DHRSX: variants seen among roughly 807,000 people sequenced by gnomAD.
The protein encoded by DHRSX is dehydrogenase/reductase X-linked.
A neutral mutation model predicts 34.0 loss-of-function variants in DHRSX; 31 were observed. The observed-to-expected ratio is 0.91, with a 90% CI of 0.69 to 1.23. DHRSX has a LOEUF of 1.23. DHRSX is among the 50% of genes most tolerant of loss of function. The pLI is 0.00. For missense variants in DHRSX, 414 were observed against 428.1 expected, an observed-to-expected ratio of 0.97 and a Z score of 0.29; for synonymous variants, 201 against 183.8, an observed-to-expected ratio of 1.09 and a Z score of -0.76.
chrX:2,291,481 T>G (rs2041864279), intron 4 of DHRSX, 21 bp downstream of exon 4: 3 of 1,594,224 alleles, frequency 1.9e-6, no homozygotes, highest in Non-Finnish European at 2.6e-6. Flanking sequence ...CCTGGCTTGC[T>G]GCAATTTCAC....
chrX:2,338,202 G>A lies in DHRSX; in HGVS notation c.287-46599C>T, dbSNP rs185358600. On this transcript the variant is annotated intron_variant, in intron 3 of 6. Transcript: ENST00000334651. ...GCAAAAATTAGCCAGGCATGGTGGT[G>A]CGCGCCTGTAATCCCAGCTACTTGG... Among the ~76,000 whole-genome samples the A allele has an allele frequency of 4.1e-3, 624 of 151,744 alleles. 4 individuals are homozygous for A. Among genetic ancestry groups the A allele is most frequent in the African/African-American group, 0.014 (582 of 41,426 alleles).
At chrX:2,412,199 G>T (rs113348786) in intron 2 of DHRSX, among the ~76,000 whole-genome samples, 2 of 152,196 alleles carry the variant, frequency 1.3e-5, no homozygotes, top group African/African-American at 2.4e-5. Context: ...TTGTATTTGG[G>T]GGGGCAGGGG....
rs766851673 is a variant in DHRSX, at chrX:2,304,312, A to AATGG, written c.287-12713_287-12710dup. On this transcript the variant is annotated intron_variant, in intron 3 of 6. Transcript: ENST00000334651. ...GGGTGGGTGGATGGATGGATGGATG[A>AATGG]ATGGATGGATGGATGGATGGATGAA... Among the ~76,000 whole-genome samples, 124 of 97,288 alleles carry AATGG rather than the reference A, an allele frequency of 1.3e-3. 2 individuals are homozygous for AATGG. The highest frequency in any genetic ancestry group is 4.3e-3 in the African/African-American group (100 of 23,486). The allele number at this position is 97,288 out of a possible 152,430, so 63.8% of individuals were successfully genotyped here. A position where few individuals can be genotyped will look rare whatever the true frequency, so the allele number is the denominator to read the frequency against.
At position 2,221,228 on chromosome X, in the gene DHRSX, G is replaced by T. The variant is rs369012030; in HGVS notation, c.806C>A (p.Thr269Asn). The change falls in exon 7 of 7, where the codon ACC (threonine) becomes AAC (asparagine). Residue 269 changes from threonine to asparagine, a missense_variant and splice_region_variant. Physicochemically the swap from Thr to Asn is moderately conservative, Grantham distance 65. Transcript: ENST00000334651. Reference protein sequence around the residue: ...KKLLGWLLFKTPDEGAWTSIY... With the variant: ...KKLLGWLLFKNPDEGAWTSIY... ...GGAAGTCCACGCTCCTTCATCGGGG[G>T]TCTGGTGGAAGAAGAAAAGAAGGCT... 1.2e-6 allele frequency: 2 copies of T among 1,612,376 alleles called. No individual in the cohort carries two copies. The highest frequency in any genetic ancestry group is 1.7e-6 in the Non-Finnish European group (2 of 1,179,142).
At chrX:2,457,520 A>T (rs1051216679) in intron 1 of DHRSX, among the ~76,000 whole-genome samples, 4 of 151,668 alleles carry the variant, frequency 2.6e-5, no homozygotes, top group Admixed American at 1.3e-4. Context: ...GACATTCCCT[A>T]GGCATGTGGC....
intron 3 of DHRSX, among the ~76,000 whole-genome samples, chrX:2,342,420 A>G (rs375584459): frequency 5.9e-5 from 9 of 151,962 alleles, no homozygotes; most frequent in African/African-American, 1.9e-4. Context: ...GGCTAGTTCT[A>G]TTTCTAGCTC....
chrX:2,443,218 G>C (rs1228116396), intron 1 of DHRSX, among the ~76,000 whole-genome samples: 1 of 151,760 alleles, frequency 6.6e-6, no homozygotes, highest in Non-Finnish European at 1.5e-5. Flanking sequence ...ATTTTATATA[G>C]ACGGGGGTCT....
chrX:2,429,451 CTTTT>C (rs55923527), intron 1 of DHRSX, among the ~76,000 whole-genome samples: 3 of 145,658 alleles, frequency 2.1e-5, no homozygotes, highest in Non-Finnish European at 3.0e-5. Context: ...CTCTGTGATG[CTTTT>C]TTTTTTTTTT....
At chrX:2,335,892 C>T (rs185603468) in intron 3 of DHRSX, among the ~76,000 whole-genome samples, 32 of 152,200 alleles carry the variant, frequency 2.1e-4, no homozygotes, top group Non-Finnish European at 1.0e-4. Flanking sequence ...CACTATGCTT[C>T]CATCTTTCAT....
rs758633308 is a variant in DHRSX at position 2,489,397 on chromosome X, G to A, written c.109+11420C>T. On this transcript the variant is annotated intron_variant, in intron 1 of 6. Transcript: ENST00000334651. ...CCTCCTTGGCCATGCTGAGCTCCTTGGAGTCGGTCTCCTTGATGTTGAGCG... is the reference window on the plus strand; with the variant it reads ...CCTCCTTGGCCATGCTGAGCTCCTTAGAGTCGGTCTCCTTGATGTTGAGCG... 6.2e-6 allele frequency: 10 copies of A among 1,613,848 alleles called. No individual in the cohort carries two copies. The East Asian group carries it at 1.8e-4, about 29-fold the overall frequency.
At chrX:2,444,198 A>G (rs1303439689) in intron 1 of DHRSX, among the ~76,000 whole-genome samples, 4 of 152,038 alleles carry the variant, frequency 2.6e-5, no homozygotes, top group Non-Finnish European at 5.9e-5. Context: ...TCATTGATAC[A>G]TGTTTCTGCC....
chrX:2,370,592 A>C (rs1402838423), intron 3 of DHRSX, among the ~76,000 whole-genome samples: 1 of 32,802 alleles, frequency 3.0e-5, no homozygotes, highest in Non-Finnish European at 1.3e-4. Context: ...GTTTTACTGA[A>C]AAAAAAAAAA....
chrX:2,479,686 C>T (rs1487976877), intron 1 of DHRSX, among the ~76,000 whole-genome samples: 1 of 150,566 alleles, frequency 6.6e-6, no homozygotes, highest in Non-Finnish European at 1.5e-5. Context: ...CCGCCATGTA[C>T]ACACTGAAGA....
At chrX:2,339,031 G>T (rs1685527286) in intron 3 of DHRSX, among the ~76,000 whole-genome samples, 1 of 151,962 alleles carries the variant, frequency 6.6e-6, no homozygotes, top group Non-Finnish European at 1.5e-5. Flanking sequence ...ATGTGATGTA[G>T]TATCATGCTT....
chrX:2,240,079 A>T (rs2016105822), intron 6 of DHRSX, among the ~76,000 whole-genome samples: 1 of 151,974 alleles, frequency 6.6e-6, no homozygotes, highest in Admixed American at 6.6e-5. Flanking sequence ...GATCACCCGA[A>T]GTCAGGAGTT....
At chrX:2,472,461 C>T (rs1387780537) in intron 1 of DHRSX, among the ~76,000 whole-genome samples, 2 of 152,102 alleles carry the variant, frequency 1.3e-5, no homozygotes, top group Non-Finnish European at 2.9e-5. Flanking sequence ...TGAACCTGCA[C>T]ACGTGCCCCT....
intron 1 of DHRSX, among the ~76,000 whole-genome samples, chrX:2,464,125 G>A (rs745741846): frequency 2.0e-5 from 3 of 151,438 alleles, no homozygotes; most frequent in African/African-American, 7.3e-5. Flanking sequence ...AGGGACGGCC[G>A]CCATGTACGC....
chrX:2,235,739 GA>G (rs765422799), intron 6 of DHRSX, among the ~76,000 whole-genome samples: 50,804 of 130,474 alleles, frequency 0.39, 10,561 homozygotes, highest in East Asian at 0.75. Flanking sequence ...CATCTCAGGG[GA>G]AAAAAAAAAA....
At chrX:2,438,921 TG>T (rs2044030236) in intron 1 of DHRSX, among the ~76,000 whole-genome samples, 3 of 151,800 alleles carry the variant, frequency 2.0e-5, no homozygotes, top group African/African-American at 7.3e-5. Context: ...CCGAGGTGGG[TG>T]GATCATGAGG....
Sources: allele counts gnomAD v4.1 joint callset (sites outside exome capture counted in the v4.1 genomes callset), GRCh38; gene constraint gnomAD v4.1.1; transcripts MANE v1.5; gene names NCBI Gene and HGNC (gene_info 2026-07-23, HGNC 2026-07-21).